The following KIF13A variants were observed in gnomAD, a reference collection of about 807,000 sequenced individuals.
The protein encoded by KIF13A is kinesin-like protein KIF13A.
KIF13A carries 79 observed loss-of-function variants against 212.2 expected under a neutral mutation model. The ratio of observed to expected loss-of-function variants is 0.37; its 90% confidence interval spans 0.31 to 0.45. KIF13A has a LOEUF of 0.45. KIF13A is among the 20% of genes least tolerant of loss of function. The probability of loss-of-function intolerance (pLI) is 1.00; values close to 1 mark genes in which losing one functional copy is unlikely to be tolerated. For synonymous variants in KIF13A, 789 were observed against 808.6 expected, an observed-to-expected ratio of 0.98 and a Z score of 0.41; for missense variants, 1,901 against 2,209.0, an observed-to-expected ratio of 0.86 and a Z score of 2.79.
At position 17,856,215 on chromosome 6, in the gene KIF13A, A is replaced by C. The variant is rs1768120488; in HGVS notation, c.221-93T>G. ...AACAATATTATGTCAATTCAAAAAA[A>C]TGTTAAAAGTGTAGTACCGAGTGCC... On this transcript the variant is annotated intron_variant, in intron 4 of 38. Coordinates refer to ENST00000259711, the MANE Select transcript of KIF13A (RefSeq NM_022113.6). The surrounding 1 kb of genome is among the most constrained non-coding windows in gnomAD (Gnocchi z 4.5). The C allele has an allele frequency of 1.1e-6, 1 of 897,630 alleles. No individual in the cohort carries two copies. 55.6% of individuals were successfully genotyped at this position (897,630 alleles called of 1,614,324 possible). A position where few individuals can be genotyped will look rare whatever the true frequency, so the allele number is the denominator to read the frequency against.
chr6:17,940,274 T>C (rs1437309671), intron 2 of KIF13A, among the ~76,000 whole-genome samples: 1 of 152,130 alleles, frequency 6.6e-6, no homozygotes, highest in East Asian at 1.9e-4. Context: ...ATACGGATGC[T>C]TCAGGAACAC....
chr6:17,837,187 T>G lies in KIF13A; in HGVS notation c.943-97A>C. The G allele has an allele frequency of 9.5e-7, 1 of 1,052,944 alleles. No individual in the cohort carries two copies. Among genetic ancestry groups the G allele is most frequent in the South Asian group, 1.5e-5 (1 of 68,656 alleles). The allele number at this position is 1,052,944 out of a possible 1,614,324, so 65.2% of individuals were successfully genotyped here. On this transcript the variant is annotated intron_variant, in intron 10 of 38. Transcript: ENST00000259711. The surrounding 1 kb of genome is among the most constrained non-coding windows in gnomAD (Gnocchi z 5.4). The stretch of plus-strand genomic sequence containing the variant: ...GTGTTAGGTATGACATTATTCTCTA[T>G]GAAGGAAACATTATGTGGAAATGGA...
chr6:17,952,303 C>CAA (rs35418848), intron 2 of KIF13A, among the ~76,000 whole-genome samples: 1 of 102,318 alleles, frequency 9.8e-6, no homozygotes, highest in African/African-American at 3.7e-5. Flanking sequence ...GACTCCGTCT[C>CAA]AAAAAAAAAA....
At position 17,791,881 on chromosome 6, in the gene KIF13A, CAGAG is replaced by C. The variant is rs572624969; in HGVS notation, c.3223-1975_3223-1972del. 4.8e-4 allele frequency among the ~76,000 whole-genome samples: 60 copies of C among 125,204 alleles called. 1 individual carries two copies. Among genetic ancestry groups the C allele is most frequent in the African/African-American group, 1.8e-3 (57 of 32,180 alleles). The allele number at this position is 125,204 out of a possible 152,430, so 82.1% of individuals were successfully genotyped here. On this transcript the variant is annotated intron_variant, in intron 25 of 38. Transcript: ENST00000259711. ...TGCCACCACACTCCAGCCTGGGTGA[CAGAG>C]AGAGAGACTCTGTCTCAAAAAAAAA...
At chr6:17,885,831 A>T (rs1463812568) in intron 3 of KIF13A, among the ~76,000 whole-genome samples, 1 of 152,210 alleles carries the variant, frequency 6.6e-6, no homozygotes, top group African/African-American at 2.4e-5. Flanking sequence ...TACTCATTTC[A>T]TATTTAATCC....
rs750111616 is a variant in KIF13A at position 17,817,166 on chromosome 6, C to T, written c.1854G>A (p.Glu618=). 5.0e-6 allele frequency: 8 copies of T among 1,614,050 alleles called. No homozygotes were observed. The Middle Eastern group carries it at 8.3e-4, about 166-fold the overall frequency. ...CCCGCTCATACATGAGCCGCTGCTCCTCTAGGGCACTTCTCTTTTCTTCTA... is the reference window on the plus strand; with the variant it reads ...CCCGCTCATACATGAGCCGCTGCTCTTCTAGGGCACTTCTCTTTTCTTCTA... ...QYLEEKRSAL[E]EQRLMYEREL... The change falls in exon 17 of 39, where the codon GAG becomes GAA. Residue 618 remains glutamate (E), a synonymous_variant. Coordinates refer to ENST00000259711, the MANE Select transcript of KIF13A (RefSeq NM_022113.6).
At position 17,850,307 on chromosome 6, in the gene KIF13A, C is replaced by A; in HGVS notation, c.717+16G>T. The A allele has an allele frequency of 6.3e-7, 1 of 1,593,232 alleles. No homozygotes were observed. The highest frequency in any genetic ancestry group is 1.1e-5 in the South Asian group (1 of 88,230). On this transcript the variant is annotated intron_variant, in intron 8 of 38. Transcript: ENST00000259711. The surrounding 1 kb of genome is among the most constrained non-coding windows in gnomAD (Gnocchi z 6.2). Reference sequence around the variant, plus strand: ...CTTCCACCCCCACTCCAAAAAGGTTCTGCCTAATCCCTTACCCCAGACTGC... The same window carrying A: ...CTTCCACCCCCACTCCAAAAAGGTTATGCCTAATCCCTTACCCCAGACTGC...
At position 17,778,991 on chromosome 6, in the gene KIF13A, C is replaced by G. The variant is rs762633563; in HGVS notation, c.4048G>C (p.Val1350Leu). 1 of 1,611,948 alleles carries G rather than the reference C, an allele frequency of 6.2e-7. No homozygotes were observed. Among genetic ancestry groups the G allele is most frequent in the East Asian group, 2.2e-5 (1 of 44,822 alleles). ...ETYIEKYTRG[V>L]LQVENILSLE... ...CTCAGAATGTTTTCCACCTGCAGCACGCCTCGAGTGTACTTCTCAATGTAC... is the reference window on the plus strand; with the variant it reads ...CTCAGAATGTTTTCCACCTGCAGCAGGCCTCGAGTGTACTTCTCAATGTAC... Residue 1350 changes from valine to leucine, a missense_variant, in exon 33 of 39, where the codon GTG becomes CTG. Physicochemically the swap from Val to Leu is conservative, Grantham distance 32. This residue lies in a region of KIF13A where 687 missense variants were observed against 759.1 expected (regional missense o/e 0.90). Coordinates refer to ENST00000259711, the MANE Select transcript of KIF13A (RefSeq NM_022113.6).
chr6:17,822,622 T>G (rs141117394), intron 16 of KIF13A, among the ~76,000 whole-genome samples: 4 of 152,196 alleles, frequency 2.6e-5, no homozygotes, highest in Admixed American at 6.5e-5. Context: ...CTCTGCAGAG[T>G]TAGCGACTAG....
intron 29 of KIF13A, among the ~76,000 whole-genome samples, chr6:17,782,959 AAAG>A (rs1760732369): frequency 6.6e-6 from 1 of 152,216 alleles, no homozygotes; most frequent in Admixed American, 6.5e-5. Context: ...AGGCTTTAAA[AAAG>A]AAATTCTTCA....
intron 25 of KIF13A, among the ~76,000 whole-genome samples, chr6:17,791,718 T>C (rs895714737): frequency 6.6e-6 from 1 of 151,662 alleles, no homozygotes; most frequent in Non-Finnish European, 1.5e-5. Flanking sequence ...CTGGCCAACA[T>C]GGTGAAACCC....
rs1031228689 is a variant in KIF13A at position 17,804,417 on chromosome 6, G to A, written c.2398C>T (p.Leu800Phe). 6.4e-7 allele frequency: 1 copy of A among 1,561,364 alleles called. No homozygotes were observed. ...IGVANVFLECLFCDVKLQYAV... is the reference protein window; with the variant it reads ...IGVANVFLECFFCDVKLQYAV... The stretch of plus-strand genomic sequence containing the variant: ...TACTGAAGTTTCACATCACAGAAGA[G>A]GCATTCCAAGAATACATTCGCCACC... Residue 800 changes from leucine to phenylalanine, a missense_variant, in exon 20 of 39, where the codon CTC becomes TTC. Physicochemically the swap from Leu to Phe is conservative, Grantham distance 22. This residue lies in a region of KIF13A where 534 missense variants were observed against 536.9 expected (regional missense o/e 0.99). Coordinates refer to ENST00000259711, the MANE Select transcript of KIF13A (RefSeq NM_022113.6).
chr6:17,779,703 A>G lies in KIF13A; in HGVS notation c.3847-19T>C, dbSNP rs77003941. 5 of 1,040,152 alleles carry G rather than the reference A, an allele frequency of 4.8e-6. No individual in the cohort carries two copies. Among genetic ancestry groups the G allele is most frequent in the Non-Finnish European group, 7.2e-6 (5 of 692,406 alleles). 64.4% of individuals were successfully genotyped at this position (1,040,152 alleles called of 1,614,324 possible). On this transcript the variant is annotated intron_variant, in intron 31 of 38. Coordinates refer to ENST00000259711, the MANE Select transcript of KIF13A (RefSeq NM_022113.6). ...TGAAACTCTAGTAGAAAAAAAAAAA[A>G]GCTGTATTAAGCTATGTGACAAATG...
chr6:17,854,705 G>A (rs150004326), intron 6 of KIF13A, among the ~76,000 whole-genome samples: 104 of 150,940 alleles, frequency 6.9e-4, no homozygotes, highest in African/African-American at 2.0e-3. Context: ...GATGCCCATC[G>A]CCACACCTGG....
At chr6:17,821,128 T>C (rs1356995598) in intron 16 of KIF13A, among the ~76,000 whole-genome samples, 2 of 152,192 alleles carry the variant, frequency 1.3e-5, no homozygotes, top group Non-Finnish European at 2.9e-5. Context: ...CCCAAAGTGC[T>C]GGGATTACAG....
rs760965521 is a variant in KIF13A, at chr6:17,764,341, G to A, written c.5187C>T (p.Ile1729=). Residue 1729 remains isoleucine, a synonymous_variant, in exon 39 of 39, where the codon ATC becomes ATT. Coordinates refer to ENST00000259711, the MANE Select transcript of KIF13A (RefSeq NM_022113.6). The surrounding 1 kb of genome is among the most constrained non-coding windows in gnomAD (Gnocchi z 5.1). ...REVTVEHTTN[I]LEDHSFTEFM... is the part of the protein sequence containing the mutation. ...ATTCTGTGAAAGAATGGTCTTCAAG[G>A]ATGTTGGTGGTGTGTTCTACCGTCA... 3.1e-6 allele frequency: 5 copies of A among 1,613,978 alleles called. No individual in the cohort carries two copies. In the South Asian group the frequency reaches 4.4e-5, roughly 14 times the overall value.
At chr6:17,774,924 G>A in intron 35 of KIF13A, 91 bp downstream of exon 35, 2 of 906,638 alleles carry the variant, frequency 2.2e-6, no homozygotes, top group Non-Finnish European at 1.7e-6. Context: ...GATCAACCAG[G>A]TGAGGCCCAG....
chr6:17,868,172 T>C (rs1769603212), intron 4 of KIF13A, among the ~76,000 whole-genome samples: 1 of 152,242 alleles, frequency 6.6e-6, no homozygotes, highest in Admixed American at 6.5e-5. Flanking sequence ...GGCCAGGGAA[T>C]GTTCACATCC....
chr6:17,965,500 CA>C (rs1779223685), intron 2 of KIF13A, among the ~76,000 whole-genome samples: 1 of 152,170 alleles, frequency 6.6e-6, no homozygotes, highest in Non-Finnish European at 1.5e-5. Context: ...AATGGTTCTC[CA>C]ATCCTTACAA....
Sources: allele counts gnomAD v4.1 joint callset (sites outside exome capture counted in the v4.1 genomes callset), GRCh38; gene constraint gnomAD v4.1.1; regional missense constraint gnomAD v4.1.1; non-coding constraint Gnocchi (gnomAD v3.1); transcripts MANE v1.5; gene names NCBI Gene and HGNC (gene_info 2026-07-23, HGNC 2026-07-21).